Variants in DZIP3 observed in about 807,000 individuals in gnomAD.
DZIP3 encodes DAZ interacting zinc finger protein 3, also known as E3 ubiquitin-protein ligase DZIP3.
DZIP3 carries 118 observed loss-of-function variants against 162.0 expected under a neutral mutation model. The observed-to-expected ratio is 0.73, with a 90% CI of 0.63 to 0.85. DZIP3 has a LOEUF of 0.85. DZIP3 is among the 40% of genes least tolerant of loss of function. DZIP3 has a pLI of 0.00. For missense variants in DZIP3, 1,331 were observed against 1,407.0 expected, an observed-to-expected ratio of 0.95 and a Z score of 0.86; for synonymous variants, 438 against 458.6, an observed-to-expected ratio of 0.96 and a Z score of 0.57.
intron 8 of DZIP3, among the ~76,000 whole-genome samples, chr3:108,632,403 C>T (rs1211770899): frequency 6.6e-6 from 1 of 152,156 alleles, no homozygotes; most frequent in Non-Finnish European, 1.5e-5. Context: ...CCACTTCTGG[C>T]CATTTAATCA....
Position 108,661,995 on chromosome 3 carries a change from C to A in DZIP3, c.2295+23C>A, listed in dbSNP as rs947915036. The A allele has an allele frequency of 6.2e-6, 10 of 1,605,340 alleles. No homozygotes were observed. In the African/African-American group the frequency reaches 1.2e-4, roughly 19 times the overall value. ...GAAGTAAGTATTTTTGCCATTAGATCTGATGGAAGTGAGAAGTATTTCAAA... is the reference window on the plus strand; with the variant it reads ...GAAGTAAGTATTTTTGCCATTAGATATGATGGAAGTGAGAAGTATTTCAAA... On this transcript the variant is annotated intron_variant, in intron 20 of 32. Coordinates refer to ENST00000361582, the MANE Select transcript of DZIP3 (RefSeq NM_014648.4).
intron 19 of DZIP3, among the ~76,000 whole-genome samples, chr3:108,655,695 G>A (rs1019150620): frequency 6.6e-6 from 1 of 152,168 alleles, no homozygotes; most frequent in Non-Finnish European, 1.5e-5. Context: ...AAAGCAGGGC[G>A]AGGCATCACC....
chr3:108,662,321 A>C, intron 21 of DZIP3, 64 bp downstream of exon 21: 1 of 1,514,352 alleles, frequency 6.6e-7, no homozygotes, highest in East Asian at 2.3e-5. Context: ...TTTAATAGTT[A>C]ATCTCTGCAT....
intron 6 of DZIP3, among the ~76,000 whole-genome samples, chr3:108,624,985 A>G (rs1009752732): frequency 1.3e-5 from 2 of 152,072 alleles, no homozygotes; most frequent in Non-Finnish European, 2.9e-5. Context: ...CTGACTTCAT[A>G]AATTAAATAT....
rs1270598841 is a variant in DZIP3, at chr3:108,631,055, A to ACTCTCTCTCTCTCT, written c.697-1872_697-1859dup. 9.2e-3 allele frequency among the ~76,000 whole-genome samples: 165 copies of ACTCTCTCTCTCTCT among 17,972 alleles called. 10 individuals carry two copies. Among genetic ancestry groups the ACTCTCTCTCTCTCT allele is most frequent in the South Asian group, 0.016 (7 of 426 alleles). The allele number at this position is 17,972 out of a possible 152,430, so 11.8% of individuals were successfully genotyped here. A position where few individuals can be genotyped will look rare whatever the true frequency, so the allele number is the denominator to read the frequency against. On this transcript the variant is annotated intron_variant, in intron 8 of 32. Transcript: ENST00000361582. ...CACACACACACACACACACACACACACTCTCTCTCTCTCTCTCTCTCTCTC... is the reference window on the plus strand; with the variant it reads ...CACACACACACACACACACACACACACTCTCTCTCTCTCTCTCTCTCTCTCTCTCTCTCTCTCTC...
intron 1 of DZIP3, among the ~76,000 whole-genome samples, chr3:108,590,776 C>G (rs1267462258): frequency 3.3e-5 from 5 of 152,194 alleles, no homozygotes; most frequent in Non-Finnish European, 5.9e-5. Flanking sequence ...TGACTCTAGG[C>G]AAGTTCTCAC....
chr3:108,677,450 T>C, intron 25 of DZIP3, 47 bp from the exon 26 acceptor site: 1 of 1,521,254 alleles, frequency 6.6e-7, no homozygotes. Context: ...ATGCTGTCTC[T>C]TTAAAGTTGG....
intron 26 of DZIP3, 53 bp downstream of exon 26, chr3:108,677,651 A>G (rs1009471854): frequency 2.6e-5 from 38 of 1,478,266 alleles, no homozygotes; most frequent in Non-Finnish European, 3.5e-5. Context: ...ACAAAATGGT[A>G]AGGGCTGTGA....
At chr3:108,631,041 A>ACTCT (rs1941817406) in intron 8 of DZIP3, among the ~76,000 whole-genome samples, 1 of 92,894 alleles carries the variant, frequency 1.1e-5, no homozygotes, top group Non-Finnish European at 2.1e-5. Flanking sequence ...ACACACACAC[A>ACTCT]CACACACACA....
intron 1 of DZIP3, among the ~76,000 whole-genome samples, chr3:108,595,293 A>G (rs1939651940): frequency 6.6e-6 from 1 of 152,098 alleles, no homozygotes; most frequent in African/African-American, 2.4e-5. Flanking sequence ...TTAATAGCTT[A>G]TTGCAGCCTC....
intron 1 of DZIP3, among the ~76,000 whole-genome samples, chr3:108,593,995 C>A (rs1453165762): frequency 2.0e-5 from 3 of 152,050 alleles, no homozygotes; most frequent in African/African-American, 4.8e-5. Flanking sequence ...CGGATCTGAT[C>A]ATTTATTCTG....
intron 14 of DZIP3, among the ~76,000 whole-genome samples, chr3:108,646,259 T>C (rs1222388454): frequency 2.0e-5 from 3 of 152,226 alleles, no homozygotes; most frequent in Non-Finnish European, 4.4e-5. Flanking sequence ...ATCAGATTGC[T>C]AAAAATAGGT....
At chr3:108,680,972 T>C (rs1423250364) in intron 26 of DZIP3, among the ~76,000 whole-genome samples, 1 of 152,114 alleles carries the variant, frequency 6.6e-6, no homozygotes, top group African/African-American at 2.4e-5. Context: ...AAGACTTAAA[T>C]GTAAGACCTA....
chr3:108,661,792 T>C (rs1418922621), intron 19 of DZIP3, 85 bp from the exon 20 acceptor site: 15 of 1,034,480 alleles, frequency 1.5e-5, no homozygotes, highest in Non-Finnish European at 2.0e-5. Flanking sequence ...GTGAAAGGAG[T>C]TAGATGGCAA....
Position 108,682,824 on chromosome 3 carries a change from G to A in DZIP3, c.2884-1392G>A, listed in dbSNP as rs74792385. On this transcript the variant is annotated intron_variant, in intron 26 of 32. Coordinates refer to ENST00000361582, the MANE Select transcript of DZIP3 (RefSeq NM_014648.4). ...TGAATATGCCAATTACCCTTTGATC[G>A]TTACACCATACATGTATACATGTAT... Among the ~76,000 whole-genome samples the A allele has an allele frequency of 2.7e-4, 41 of 150,586 alleles. No individual in the cohort carries two copies. The East Asian group carries it at 6.2e-3, about 23-fold the overall frequency.
intron 19 of DZIP3, among the ~76,000 whole-genome samples, chr3:108,660,728 C>T (rs956455744): frequency 1.3e-5 from 2 of 152,106 alleles, no homozygotes; most frequent in African/African-American, 2.4e-5. Flanking sequence ...AAAATTTTTG[C>T]AACCTACTCA....
intron 8 of DZIP3, among the ~76,000 whole-genome samples, chr3:108,631,049 A>ACTCTCTCTCTCTCTCT (rs1454927812): frequency 2.2e-4 from 12 of 55,560 alleles, no homozygotes; most frequent in Non-Finnish European, 2.7e-4. Context: ...ACACACACAC[A>ACTCTCTCTCTCTCTCT]CACACACTCT....
chr3:108,596,672 C>T (rs377665264), intron 1 of DZIP3, among the ~76,000 whole-genome samples: 1 of 152,326 alleles, frequency 6.6e-6, no homozygotes, highest in South Asian at 2.1e-4. Flanking sequence ...CTCTTTACAT[C>T]TGCCTTCAGA....
intron 23 of DZIP3, 89 bp downstream of exon 23, chr3:108,672,745 T>G: frequency 9.4e-7 from 1 of 1,062,766 alleles, no homozygotes; most frequent in Non-Finnish European, 1.4e-6. Flanking sequence ...AAAGATTGTT[T>G]TTTGTATAAA....
Sources: allele counts gnomAD v4.1 joint callset (sites outside exome capture counted in the v4.1 genomes callset), GRCh38; gene constraint gnomAD v4.1.1; transcripts MANE v1.5; gene names NCBI Gene and HGNC (gene_info 2026-07-23, HGNC 2026-07-21).